SBNO2: variants seen among roughly 807,000 people sequenced by gnomAD.
The protein encoded by SBNO2 is protein strawberry notch homolog 2.
SBNO2 carries 89 observed loss-of-function variants against 146.3 expected under a neutral mutation model. The ratio of observed to expected loss-of-function variants is 0.61; its 90% CI spans 0.51 to 0.73. The LOEUF is 0.73. Among genes scored for constraint, SBNO2 ranks in the 30% least tolerant of loss-of-function variants. The pLI is 0.00. For synonymous variants in SBNO2, 1,147 were observed against 892.6 expected (o/e 1.29, Z -5.08); for missense variants, 2,092 against 2,003.7 (o/e 1.04, Z -0.84).
In SBNO2 at chr19:1,136,418, G is replaced by A. The variant is rs1443601444; in HGVS notation, c.280-8653C>T. On this transcript the variant is annotated intron_variant, in intron 4 of 31. Transcript: ENST00000361757. This position sits in a 1 kb window ranked among gnomAD's most constrained non-coding sequence, Gnocchi z 4.2. ...TCTGGTGCTGCAGCCGGGCAGGGCC[G>A]AACCCTGGCGCACAGCTTCCTGCTG... Among the ~76,000 whole-genome samples, 1 of 152,208 alleles carries A rather than the reference G, an allele frequency of 6.6e-6. No individual in the cohort carries two copies. Among genetic ancestry groups the A allele is most frequent in the Admixed American group, 6.5e-5 (1 of 15,288 alleles).
Position 1,112,270 on chromosome 19 carries a change from C to A in SBNO2, c.2547G>T (p.Ala849=), listed in dbSNP as rs1297003065. The A allele has an allele frequency of 2.5e-6, 4 of 1,590,934 alleles. No individual in the cohort carries two copies. Among genetic ancestry groups the A allele is most frequent in the Admixed American group, 1.8e-5 (1 of 56,932 alleles). ...CCGAGATGAGGAAGACATACTCTGG[C>A]GCGGAGACCTGGTTGGACCGGTGGG... ...GRTHRSNQVS[A]PEYVFLISEL... Residue 849 remains alanine (A), a synonymous_variant, in exon 22 of 32, where the codon GCG becomes GCT. Coordinates refer to ENST00000361757, the MANE Select transcript of SBNO2 (RefSeq NM_014963.3). The surrounding 1 kb of genome is among the most constrained non-coding windows in gnomAD (Gnocchi z 5.9).
In SBNO2 at chr19:1,119,971, C is replaced by T. The variant is rs1161075751; in HGVS notation, c.1202G>A (p.Gly401Asp). ...KAKNAGSTKMGKAVLDLQNKL... is the reference protein window; with the variant it reads ...KAKNAGSTKMDKAVLDLQNKL... ...GTTCTGCAGGTCTAGCACAGCCTTG[C>T]CCATCTTGGTGGAGCCGGCATTCTT... The change falls in exon 12 of 32, where the codon GGC (glycine) becomes GAC (aspartate). Residue 401 changes from glycine to aspartate, a missense_variant. Coordinates refer to ENST00000361757, the MANE Select transcript of SBNO2 (RefSeq NM_014963.3). 1 of 1,551,264 alleles carries T rather than the reference C, an allele frequency of 6.4e-7. No homozygotes were observed.
At position 1,108,207 on chromosome 19, in the gene SBNO2, G is replaced by T. The variant is rs114433346; in HGVS notation, c.*13C>A. 5.3e-3 allele frequency: 8,088 copies of T among 1,525,760 alleles called. 403 individuals carry two copies. In the African/African-American group the frequency reaches 0.1, roughly 19 times the overall value. The allele number at this position is 1,525,760 out of a possible 1,614,324, so 94.5% of individuals were successfully genotyped here. A position where few individuals can be genotyped will look rare whatever the true frequency, so the allele number is the denominator to read the frequency against. On this transcript the variant is annotated 3_prime_UTR_variant, in exon 32 of 32. Transcript: ENST00000361757. ...GTCCCTGTGTCTTGGGGCATGTTTC[G>T]CCTAAAGGCGTGTCAGAGAGGAGCC...
chr19:1,121,234 G>C (rs1316644329), intron 11 of SBNO2, among the ~76,000 whole-genome samples: 1 of 152,240 alleles, frequency 6.6e-6, no homozygotes, highest in African/African-American at 2.4e-5. Context: ...TTCCAGGAAA[G>C]CAGTCTGAGG....
At position 1,119,033 on chromosome 19, in the gene SBNO2, A is replaced by G; in HGVS notation, c.1505T>C (p.Val502Ala). 6.2e-7 allele frequency: 1 copy of G among 1,602,474 alleles called. No individual in the cohort carries two copies. Among genetic ancestry groups the G allele is most frequent in the Non-Finnish European group, 8.5e-7 (1 of 1,176,840 alleles). ...EIPLAPAFEC[V>A]YNRAALLWAE... Reference sequence around the variant, plus strand: ...CACCAGCAGGGCCGCGCGGTTGTAGACGCACTCGAAGGCTGGGGCCAGCGG... The same window carrying G: ...CACCAGCAGGGCCGCGCGGTTGTAGGCGCACTCGAAGGCTGGGGCCAGCGG... The change falls in exon 14 of 32, where the codon GTC (valine) becomes GCC (alanine). Residue 502 changes from valine (V) to alanine (A), a missense_variant. Coordinates refer to ENST00000361757, the MANE Select transcript of SBNO2 (RefSeq NM_014963.3).
At chr19:1,166,484 G>A (rs921443063) in intron 1 of SBNO2, among the ~76,000 whole-genome samples, 2 of 152,118 alleles carry the variant, frequency 1.3e-5, no homozygotes, top group African/African-American at 4.8e-5. Flanking sequence ...AGCCCGCTCG[G>A]GTCTTGTGTT....
At chr19:1,172,908 G>A (rs1398997149) in intron 1 of SBNO2, among the ~76,000 whole-genome samples, 1 of 151,774 alleles carries the variant, frequency 6.6e-6, no homozygotes, top group Non-Finnish European at 1.5e-5. Context: ...GTCACAGGCA[G>A]GAAGGACGTT....
chr19:1,147,373 T>C lies in SBNO2; in HGVS notation c.215A>G (p.Asp72Gly). 1.3e-6 allele frequency: 2 copies of C among 1,526,940 alleles called. No homozygotes were observed. Among genetic ancestry groups the C allele is most frequent in the Non-Finnish European group, 1.7e-6 (2 of 1,145,346 alleles). 94.6% of individuals were successfully genotyped at this position (1,526,940 alleles called of 1,614,324 possible). Residue 72 changes from aspartate (D) to glycine (G), a missense_variant, in exon 4 of 32, where the codon GAC (aspartate) becomes GGC (glycine). Asp to Gly is a moderately conservative substitution (Grantham distance 94). Coordinates refer to ENST00000361757, the MANE Select transcript of SBNO2 (RefSeq NM_014963.3). Reference protein sequence around the residue: ...ASFLGSQPCPDTSYAPVATAS... With the variant: ...ASFLGSQPCPGTSYAPVATAS... The stretch of plus-strand genomic sequence containing the variant: ...GGTGGCCACGGGGGCATAGCTGGTG[T>C]CTGGGCAGGGCTGGCTGCCGAGGAA...
At chr19:1,127,288 G>A (rs1187473059) in intron 5 of SBNO2, among the ~76,000 whole-genome samples, 1 of 152,196 alleles carries the variant, frequency 6.6e-6, no homozygotes, top group Non-Finnish European at 1.5e-5. Context: ...CACGGGGCAG[G>A]GTCCCTCTCA....
chr19:1,108,126 G>A lies in SBNO2; in HGVS notation c.*94C>T, dbSNP rs964590419. The A allele has an allele frequency of 1.6e-4, 213 of 1,315,070 alleles. No individual in the cohort carries two copies. Among genetic ancestry groups the A allele is most frequent in the Non-Finnish European group, 2.0e-4 (198 of 1,000,728 alleles). The allele number at this position is 1,315,070 out of a possible 1,614,324, so 81.5% of individuals were successfully genotyped here. A position where few individuals can be genotyped will look rare whatever the true frequency, so the allele number is the denominator to read the frequency against. On this transcript the variant is annotated 3_prime_UTR_variant, in exon 32 of 32. Transcript: ENST00000361757. ...CGGCCAGGGCCTAGGGCTCCTCTGAGCAGTGGTCAGGGGACCTTGGCCCTG... is the reference window on the plus strand; with the variant it reads ...CGGCCAGGGCCTAGGGCTCCTCTGAACAGTGGTCAGGGGACCTTGGCCCTG...
At chr19:1,122,393 A>C (rs2079911361) in intron 10 of SBNO2, 75 bp downstream of exon 10, 1 of 1,521,102 alleles carries the variant, frequency 6.6e-7, no homozygotes. Flanking sequence ...CTGCTGGCCC[A>C]CCCAGCTGAG....
chr19:1,107,838 G>GGAGCCCCCGAGACGCGGGGCCCT lies in SBNO2; in HGVS notation c.*359_*381dup, dbSNP rs2079689197. On this transcript the variant is annotated 3_prime_UTR_variant, in exon 32 of 32. Coordinates refer to ENST00000361757, the MANE Select transcript of SBNO2 (RefSeq NM_014963.3). ...ATATATTAGCAGGGGTCTGCCCCACGGAGCCCCCGAGACGCGGGGCCCTGA... is the reference window on the plus strand; with the variant it reads ...ATATATTAGCAGGGGTCTGCCCCACGGAGCCCCCGAGACGCGGGGCCCTGAGCCCCCGAGACGCGGGGCCCTGA... The GGAGCCCCCGAGACGCGGGGCCCT allele has an allele frequency of 6.3e-6, 1 of 158,054 alleles. No individual in the cohort carries two copies. Among genetic ancestry groups the GGAGCCCCCGAGACGCGGGGCCCT allele is most frequent in the African/African-American group, 2.4e-5 (1 of 41,558 alleles). 9.8% of individuals were successfully genotyped at this position (158,054 alleles called of 1,614,324 possible).
intron 17 of SBNO2, among the ~76,000 whole-genome samples, chr19:1,114,808 G>A (rs1286533616): frequency 1.3e-5 from 2 of 149,774 alleles, no homozygotes; most frequent in East Asian, 2.0e-4. Flanking sequence ...CTAATCTTTT[G>A]TATTTTAGTA....
chr19:1,124,239 T>G, intron 5 of SBNO2: 4 of 593,646 alleles, frequency 6.7e-6, no homozygotes, highest in Non-Finnish European at 1.2e-5. Flanking sequence ...GGCCTAAGGC[T>G]CGCTCCTCCT....
intron 5 of SBNO2, 156 bp from the exon 6 acceptor site, chr19:1,124,178 C>T (rs1236434132): frequency 4.2e-6 from 3 of 717,450 alleles, no homozygotes; most frequent in Non-Finnish European, 7.2e-6. Flanking sequence ...TCCTGCTGTT[C>T]TCAGGGTGAC....
chr19:1,150,462 G>GA lies in SBNO2; in HGVS notation c.94-1021dup, dbSNP rs2080232116. Among the ~76,000 whole-genome samples, 1 of 151,594 alleles carries GA rather than the reference G, an allele frequency of 6.6e-6. No individual in the cohort carries two copies. Among genetic ancestry groups the GA allele is most frequent in the African/African-American group, 2.4e-5 (1 of 41,074 alleles). On this transcript the variant is annotated intron_variant, in intron 2 of 31. Transcript: ENST00000361757. The surrounding 1 kb of genome is among the most constrained non-coding windows in gnomAD (Gnocchi z 6.2). ...CACAGACGCCCCCACAGTCACGGGG[G>GA]AGACCCTGCCGTCACGGATGCCCCC...
At chr19:1,115,679 G>T (rs905993204) in intron 17 of SBNO2, 9 of 408,516 alleles carry the variant, frequency 2.2e-5, no homozygotes, top group African/African-American at 8.3e-5. Context: ...AAGCCTGGGG[G>T]TTATCAATGG....
At position 1,110,957 on chromosome 19, in the gene SBNO2, A is replaced by G; in HGVS notation, c.2884+62T>C. 8 of 1,610,578 alleles carry G rather than the reference A, an allele frequency of 5.0e-6. No individual in the cohort carries two copies. Among genetic ancestry groups the G allele is most frequent in the Non-Finnish European group, 6.8e-6 (8 of 1,177,680 alleles). On this transcript the variant is annotated intron_variant, in intron 25 of 31. Transcript: ENST00000361757. The surrounding 1 kb of genome is among the most constrained non-coding windows in gnomAD (Gnocchi z 4.9). The stretch of plus-strand genomic sequence containing the variant: ...CTCTCCCTGCTTTGCTCACCACCCG[A>G]GGCCAAGGTTGCATGAGATGAGAGA...
intron 4 of SBNO2, among the ~76,000 whole-genome samples, chr19:1,132,617 A>G (rs1431739074): frequency 6.6e-6 from 1 of 152,008 alleles, no homozygotes; most frequent in African/African-American, 2.4e-5. Context: ...GCCTCCCTTC[A>G]CCCAGCACCC....
Sources: allele counts gnomAD v4.1 joint callset (sites outside exome capture counted in the v4.1 genomes callset), GRCh38; gene constraint gnomAD v4.1.1; non-coding constraint Gnocchi (gnomAD v3.1); transcripts MANE v1.5; gene names NCBI Gene and HGNC (gene_info 2026-07-23, HGNC 2026-07-21).